The following DYNC1H1 variants were observed in gnomAD, a reference collection of about 807,000 sequenced individuals.
DYNC1H1 encodes the protein dynein cytoplasmic 1 heavy chain 1, also known as cytoplasmic dynein 1 heavy chain 1.
In DYNC1H1, 51 loss-of-function variants were observed where a neutral mutation model predicts 527.1. That is an observed-to-expected ratio of 0.10 (90% CI 0.08 to 0.12). DYNC1H1 has a LOEUF of 0.12. DYNC1H1 is among the 10% of genes least tolerant of loss of function. DYNC1H1 has a pLI of 1.00. For synonymous variants in DYNC1H1, 2,189 were observed against 2,278.8 expected, an observed-to-expected ratio of 0.96 and a Z score of 1.12; for missense variants, 2,771 against 5,971.8, an observed-to-expected ratio of 0.46 and a Z score of 17.66.
At chr14:102,040,178 T>C in intron 62 of DYNC1H1, 58 bp from the exon 63 acceptor site, 2 of 1,603,522 alleles carry the variant, frequency 1.2e-6, no homozygotes, top group Non-Finnish European at 1.7e-6. Flanking sequence ...AGCTGTTATC[T>C]TAGTGACAGT....
At chr14:101,984,438 TATATATATTA>T (rs1237390466) in intron 7 of DYNC1H1, among the ~76,000 whole-genome samples, 2 of 136,650 alleles carry the variant, frequency 1.5e-5, no homozygotes, top group Admixed American at 7.6e-5. Flanking sequence ...TGTGTATATA[TATATATATTA>T]TATTTTTTTT....
In DYNC1H1 at chr14:102,016,671, T is replaced by G. The variant is rs2048326671; in HGVS notation, c.7615-95T>G. 1 of 1,543,022 alleles carries G rather than the reference T, an allele frequency of 6.5e-7. No individual in the cohort carries two copies. The highest frequency in any genetic ancestry group is 8.8e-7 in the Non-Finnish European group (1 of 1,132,084). On this transcript the variant is annotated intron_variant, in intron 37 of 77. Transcript: ENST00000360184. The surrounding 1 kb of genome is among the most constrained non-coding windows in gnomAD (Gnocchi z 7.3). Reference sequence around the variant, plus strand: ...CAGATTAACCTGACCAATTACTTCCTTGTTCTGAAAGTTCAAGTTTGTGTT... The same window carrying G: ...CAGATTAACCTGACCAATTACTTCCGTGTTCTGAAAGTTCAAGTTTGTGTT...
intron 5 of DYNC1H1, among the ~76,000 whole-genome samples, chr14:101,981,857 A>AT (rs1184474599): frequency 6.6e-6 from 1 of 152,236 alleles, no homozygotes; most frequent in Non-Finnish European, 1.5e-5. Context: ...AGTTAGTAAT[A>AT]TGTTCACCTA....
Position 102,047,795 on chromosome 14 carries a change from C to T in DYNC1H1, c.13007-22C>T, listed in dbSNP as rs541645876. On this transcript the variant is annotated intron_variant, in intron 72 of 77. Transcript: ENST00000360184. Reference sequence around the variant, plus strand: ...CCCGTCCCCTCCCTCCTTCCTGCTGCGACTGTGGGACTGTGGCCCAGGTGT... The same window carrying T: ...CCCGTCCCCTCCCTCCTTCCTGCTGTGACTGTGGGACTGTGGCCCAGGTGT... 46 of 1,612,332 alleles carry T rather than the reference C, an allele frequency of 2.9e-5. No individual in the cohort carries two copies. In the South Asian group the frequency reaches 4.3e-4, roughly 15 times the overall value.
At position 102,005,155 on chromosome 14, in the gene DYNC1H1, T is replaced by C. The variant is rs779511736; in HGVS notation, c.5352T>C (p.Asn1784=). The C allele has an allele frequency of 3.1e-6, 5 of 1,614,196 alleles. No individual in the cohort carries two copies. In the South Asian group the frequency reaches 5.5e-5, roughly 18 times the overall value. The change falls in exon 26 of 78, where the codon AAT becomes AAC. Residue 1784 remains asparagine (N), a synonymous_variant. Coordinates refer to ENST00000360184, the MANE Select transcript of DYNC1H1 (RefSeq NM_001376.5). The surrounding 1 kb of genome is among the most constrained non-coding windows in gnomAD (Gnocchi z 4.0). ...DAAPLHSVLS[N]VEVTLNVLAD... ...CGCCCTTGCACTCTGTGCTGAGCAA[T>C]GTGGAGGTCACCCTCAATGTGTTAG...
At chr14:101,981,753 CTT>C (rs1595598527) in intron 5 of DYNC1H1, among the ~76,000 whole-genome samples, 1 of 152,116 alleles carries the variant, frequency 6.6e-6, no homozygotes, top group Non-Finnish European at 1.5e-5. Flanking sequence ...ACCTCTGAAA[CTT>C]TTGTTTTTTT....
Position 102,011,128 on chromosome 14 carries a change from TGAAGAG to T in DYNC1H1, c.6618+180_6618+185del. 1.4e-6 allele frequency: 1 copy of T among 729,320 alleles called. No homozygotes were observed. The highest frequency in any genetic ancestry group is 2.7e-5 in the East Asian group (1 of 36,960). 45.2% of individuals were successfully genotyped at this position (729,320 alleles called of 1,614,324 possible). The stretch of plus-strand genomic sequence containing the variant: ...TGAATTTTTGTTGTTGTTGTTTAAA[TGAAGAG>T]GAAACAATACTTAACCTGAAAATTT... On this transcript the variant is annotated intron_variant, in intron 32 of 77. Coordinates refer to ENST00000360184, the MANE Select transcript of DYNC1H1 (RefSeq NM_001376.5). The surrounding 1 kb of genome is among the most constrained non-coding windows in gnomAD (Gnocchi z 5.3).
At position 102,015,260 on chromosome 14, in the gene DYNC1H1, G is replaced by A. The variant is rs2048306640; in HGVS notation, c.7170G>A (p.Gly2390=). The A allele has an allele frequency of 3.1e-6, 5 of 1,614,228 alleles. No homozygotes were observed. The highest frequency in any genetic ancestry group is 2.2e-5 in the East Asian group (1 of 44,886). Residue 2390 remains glycine (G), a synonymous_variant, in exon 35 of 78, where the codon GGG becomes GGA. Transcript: ENST00000360184. The surrounding 1 kb of genome is among the most constrained non-coding windows in gnomAD (Gnocchi z 6.9). ...ARLRSIPLDE[G]EDEAQRRRKG... ...TGCGCAGCATCCCGCTGGATGAAGG[G>A]GAGGATGAGGCACAGCGGCGGCGTA...
intron 72 of DYNC1H1, chr14:102,045,026 G>A (rs892891201): frequency 2.6e-6 from 1 of 379,666 alleles, no homozygotes; most frequent in Non-Finnish European, 5.1e-6. Flanking sequence ...TTACTGGCTG[G>A]GCACACTGGC....
chr14:102,047,692 T>G (rs974185831), intron 72 of DYNC1H1, 125 bp from the exon 73 acceptor site: 2 of 908,402 alleles, frequency 2.2e-6, no homozygotes, highest in Admixed American at 4.0e-5. Context: ...CCTTCCAGAT[T>G]TTGCTGCAGT....
At position 102,018,517 on chromosome 14, in the gene DYNC1H1, C is replaced by T. The variant is rs766829421; in HGVS notation, c.8244C>T (p.Tyr2748=). The part of the protein sequence containing the change: ...YPGPASLTQI[Y]GTFNRAMLRL... ...GCCCCGCCTCCCTCACACAGATCTA[C>T]GGCACCTTCAACCGCGCCATGCTGA... The change falls in exon 41 of 78, where the codon TAC becomes TAT. Residue 2748 remains tyrosine, a synonymous_variant. Coordinates refer to ENST00000360184, the MANE Select transcript of DYNC1H1 (RefSeq NM_001376.5). This position sits in a 1 kb window ranked among gnomAD's most constrained non-coding sequence, Gnocchi z 5.2. The T allele has an allele frequency of 7.4e-6, 12 of 1,613,976 alleles. No individual in the cohort carries two copies. The highest frequency in any genetic ancestry group is 2.2e-5 in the East Asian group (1 of 44,898).
rs768520247 is a variant in DYNC1H1, at chr14:102,006,114, G to A, written c.5660G>A (p.Arg1887His). The change falls in exon 27 of 78, where the codon CGC (arginine) becomes CAC (histidine). Residue 1887 changes from arginine (R) to histidine (H), a missense_variant. By Grantham distance (29) the Arg-to-His change is conservative (BLOSUM62 0). Coordinates refer to ENST00000360184, the MANE Select transcript of DYNC1H1 (RefSeq NM_001376.5). ...DKLVQTPLTDRCYLTMTQALE... is the reference protein window; with the variant it reads ...DKLVQTPLTDHCYLTMTQALE... ...CTGGTCCAGACCCCCCTCACTGACC[G>A]CTGCTATTTGACAATGACACAAGCC... The A allele has an allele frequency of 1.1e-5, 18 of 1,614,086 alleles. No homozygotes were observed. The highest frequency in any genetic ancestry group is 1.7e-5 in the Admixed American group (1 of 60,006).
In DYNC1H1 at chr14:102,036,735, A is replaced by T; in HGVS notation, c.10908+93A>T. ...TTAGTTTTCAACTTTGTAAGACTTC[A>T]TTTTGTATCAGAAGGATAAAGCTTT... is the stretch of plus-strand genomic sequence containing the variant. On this transcript the variant is annotated intron_variant, in intron 57 of 77. Transcript: ENST00000360184. This position sits in a 1 kb window ranked among gnomAD's most constrained non-coding sequence, Gnocchi z 5.6. 6.8e-7 allele frequency: 1 copy of T among 1,474,622 alleles called. No individual in the cohort carries two copies. The highest frequency in any genetic ancestry group is 1.1e-5 in the South Asian group (1 of 87,590). The allele number at this position is 1,474,622 out of a possible 1,614,324, so 91.3% of individuals were successfully genotyped here. A position where few individuals can be genotyped will look rare whatever the true frequency, so the allele number is the denominator to read the frequency against.
At chr14:101,981,584 A>T (rs577215489) in intron 5 of DYNC1H1, among the ~76,000 whole-genome samples, 2 of 152,368 alleles carry the variant, frequency 1.3e-5, no homozygotes, top group East Asian at 3.9e-4. Context: ...TTAAGACAAT[A>T]GCAGTTGTCA....
chr14:102,000,573 C>CA, intron 18 of DYNC1H1, 174 bp downstream of exon 18: 1 of 419,860 alleles, frequency 2.4e-6, no homozygotes, highest in Non-Finnish European at 4.2e-6. Flanking sequence ...ATTTTGAAAC[C>CA]TTTTTTTTTT....
intron 1 of DYNC1H1, among the ~76,000 whole-genome samples, chr14:101,970,467 GTTGTTGTTTTTT>G (rs2047720791): frequency 9.7e-6 from 1 of 103,548 alleles, no homozygotes; most frequent in African/African-American, 5.0e-5. Flanking sequence ...TGTTTGGTTT[GTTGTTGTTTTTT>G]TTTTTTTTTT....
rs1317683150 is a variant in DYNC1H1, at chr14:102,047,649, A to G, written c.13007-168A>G. 1.7e-4 allele frequency: 78 copies of G among 467,440 alleles called. 3 individuals are homozygous for G. Among genetic ancestry groups the G allele is most frequent in the Middle Eastern group, 6.6e-4 (1 of 1,508 alleles). 29.0% of individuals were successfully genotyped at this position (467,440 alleles called of 1,614,324 possible). ...TGTGTGTGTGTGTGTGTGTATATAT[A>G]TATATATATATATATGTACACACGG... On this transcript the variant is annotated intron_variant, in intron 72 of 77. Transcript: ENST00000360184.
intron 48 of DYNC1H1, chr14:102,028,416 G>A (rs2048474695): frequency 2.5e-6 from 1 of 400,866 alleles, no homozygotes; most frequent in East Asian, 5.8e-5. Flanking sequence ...TCAGGAAGCT[G>A]AGGTGGGAGG....
intron 15 of DYNC1H1, among the ~76,000 whole-genome samples, chr14:101,995,870 G>C (rs561152397): frequency 6.6e-6 from 1 of 151,914 alleles, no homozygotes; most frequent in Non-Finnish European, 1.5e-5. Flanking sequence ...AGACCAGCCT[G>C]GCCAACATAG....
Sources: allele counts gnomAD v4.1 joint callset (sites outside exome capture counted in the v4.1 genomes callset), GRCh38; gene constraint gnomAD v4.1.1; non-coding constraint Gnocchi (gnomAD v3.1); transcripts MANE v1.5; gene names NCBI Gene and HGNC (gene_info 2026-07-23, HGNC 2026-07-21).